Variants in DNAH14 observed in about 807,000 individuals in gnomAD.
DNAH14 encodes dynein axonemal heavy chain 14.
Under a neutral mutation model 520.9 loss-of-function variants are expected in DNAH14, and 478 were observed. The observed-to-expected ratio is 0.92, with a 90% confidence interval of 0.85 to 0.99. DNAH14 has a LOEUF of 0.99. Ranked by LOEUF, DNAH14 falls within the 50% of genes least tolerant of loss-of-function variation. The pLI is 0.00. For missense variants in DNAH14, 4,831 were observed against 5,234.5 expected (o/e 0.92, Z 2.38); for synonymous variants, 1,581 against 1,757.2 (o/e 0.90, Z 2.51).
intron 49 of DNAH14, among the ~76,000 whole-genome samples, chr1:225,270,273 G>A (rs1403594647): frequency 4.9e-5 from 7 of 143,248 alleles, no homozygotes; most frequent in Non-Finnish European, 1.1e-4. Flanking sequence ...ACTGAACAAT[G>A]AGAACACTTG....
intron 45 of DNAH14, 82 bp from the exon 46 acceptor site, chr1:225,259,039 G>C (rs2092837817): frequency 7.5e-7 from 1 of 1,339,620 alleles, no homozygotes; most frequent in Non-Finnish European, 9.9e-7. Context: ...AATTGAGGGA[G>C]AATGTTATTG....
At position 225,346,655 on chromosome 1, in the gene DNAH14, G is replaced by A. The variant is rs1352266096; in HGVS notation, c.11296+1G>A. The A allele has an allele frequency of 6.5e-7, 1 of 1,532,070 alleles. No homozygotes were observed. Among genetic ancestry groups the A allele is most frequent in the Non-Finnish European group, 8.8e-7 (1 of 1,137,056 alleles). 94.9% of individuals were successfully genotyped at this position (1,532,070 alleles called of 1,614,324 possible). On this transcript the variant is annotated splice_donor_variant, in intron 71 of 85. Transcript: ENST00000682510. LOFTEE classifies it high-confidence loss of function. ...GCATTATCCCAGTCTAGACTTACTA[G>A]TAAGTAAAAGTTACTATTCCGGATT...
chr1:225,380,207 G>A lies in DNAH14; in HGVS notation c.12765G>A (p.Leu4255=), dbSNP rs1170939099. The A allele has an allele frequency of 6.4e-7, 1 of 1,551,494 alleles. No homozygotes were observed. Among genetic ancestry groups the A allele is most frequent in the East Asian group, 2.4e-5 (1 of 40,916 alleles). The change falls in exon 80 of 86, where the codon TTG becomes TTA. Residue 4255 remains leucine (L), a synonymous_variant. Coordinates refer to ENST00000682510, the MANE Select transcript of DNAH14 (RefSeq NM_001367479.1). ...TGGTGATGGAAATTCTATCCGACTT[G>A]CTAAAGCGGCTGCCACTGACAGTGG... is the stretch of plus-strand genomic sequence containing the variant. ...DELVMEILSD[L]LKRLPLTVEK...
Position 225,374,895 on chromosome 1 carries a change from G to T in DNAH14, c.12516+10G>T. 2.6e-6 allele frequency: 4 copies of T among 1,526,550 alleles called. No individual in the cohort carries two copies. The South Asian group carries it at 4.9e-5, about 19-fold the overall frequency. 94.6% of individuals were successfully genotyped at this position (1,526,550 alleles called of 1,614,324 possible). Reference sequence around the variant, plus strand: ...TTTCTCCAGTGATGGGGTAGGAAAAGAATCAATCTTCTTGCATTTCTCGAT... The same window carrying T: ...TTTCTCCAGTGATGGGGTAGGAAAATAATCAATCTTCTTGCATTTCTCGAT... On this transcript the variant is annotated intron_variant, in intron 78 of 85. Transcript: ENST00000682510.
chr1:225,105,192 G>A (rs949881656), intron 23 of DNAH14, among the ~76,000 whole-genome samples: 9 of 152,234 alleles, frequency 5.9e-5, no homozygotes, highest in Middle Eastern at 3.4e-3. Flanking sequence ...GTGGTTGAGC[G>A]GTTTTGAGTG....
chr1:225,221,178 G>A (rs1301525100), intron 41 of DNAH14, among the ~76,000 whole-genome samples: 2 of 152,022 alleles, frequency 1.3e-5, no homozygotes, highest in East Asian at 1.9e-4. Context: ...AAACTTAAAC[G>A]TCAGACCTAA....
intron 15 of DNAH14, 29 bp from the exon 16 acceptor site, chr1:225,050,181 A>G: frequency 6.6e-7 from 1 of 1,504,912 alleles, no homozygotes; most frequent in Non-Finnish European, 8.8e-7. Context: ...GCATTTCTGA[A>G]GTACTGACTT....
chr1:225,046,877 G>T (rs1002825817), intron 15 of DNAH14, among the ~76,000 whole-genome samples: 1 of 152,062 alleles, frequency 6.6e-6, no homozygotes, highest in African/African-American at 2.4e-5. Context: ...CTCCCCAGTT[G>T]GCTCCTGTGC....
intron 41 of DNAH14, among the ~76,000 whole-genome samples, chr1:225,226,263 G>A (rs887777973): frequency 6.6e-6 from 1 of 152,136 alleles, no homozygotes. Context: ...CTCATTAATG[G>A]CACACATTGG....
chr1:225,265,640 A>G (rs2093085841), intron 48 of DNAH14, among the ~76,000 whole-genome samples: 2 of 152,120 alleles, frequency 1.3e-5, no homozygotes, highest in African/African-American at 4.8e-5. Context: ...GTTAGATGCC[A>G]ACTGTTTTGT....
chr1:225,025,943 A>G (rs565086639), intron 11 of DNAH14, among the ~76,000 whole-genome samples: 1 of 152,108 alleles, frequency 6.6e-6, no homozygotes, highest in South Asian at 2.1e-4. Flanking sequence ...CCATTTATAT[A>G]TGTTCTTTGA....
At position 225,364,642 on chromosome 1, in the gene DNAH14, G is replaced by A. The variant is rs549810138; in HGVS notation, c.11988-150G>A. ...TGATGGGTCGTGTGCAAATTCTTGC[G>A]CAACATGGAAGCTCTTCTGATAATA... On this transcript the variant is annotated intron_variant, in intron 75 of 85. Coordinates refer to ENST00000682510, the MANE Select transcript of DNAH14 (RefSeq NM_001367479.1). 4.8e-4 allele frequency: 244 copies of A among 504,668 alleles called. No individual in the cohort carries two copies. The South Asian group carries it at 6.3e-3, about 13-fold the overall frequency. 31.3% of individuals were successfully genotyped at this position (504,668 alleles called of 1,614,324 possible).
chr1:225,323,053 G>A (rs1334129661), intron 62 of DNAH14, among the ~76,000 whole-genome samples: 2 of 152,156 alleles, frequency 1.3e-5, no homozygotes, highest in Admixed American at 6.5e-5. Context: ...GAGAAATACT[G>A]TATATCTAAC....
At chr1:225,319,476 C>T (rs1482919612) in intron 61 of DNAH14, among the ~76,000 whole-genome samples, 3 of 151,888 alleles carry the variant, frequency 2.0e-5, no homozygotes, top group African/African-American at 4.8e-5. Context: ...GCAAACCTAC[C>T]GTGATATTTA....
chr1:225,194,713 A>T (rs963318234), intron 38 of DNAH14, among the ~76,000 whole-genome samples: 7 of 152,148 alleles, frequency 4.6e-5, no homozygotes, highest in Non-Finnish European at 7.4e-5. Flanking sequence ...AAAGGCTATC[A>T]ACAGAATAAG....
chr1:225,357,708 G>A (rs2095446089), intron 73 of DNAH14: 1 of 682,762 alleles, frequency 1.5e-6, no homozygotes, highest in South Asian at 1.6e-5. Flanking sequence ...GCCAATATTT[G>A]ACAGTTTTTG....
At chr1:225,335,998 C>CAT (rs1181059167) in intron 66 of DNAH14, among the ~76,000 whole-genome samples, 11 of 84,296 alleles carry the variant, frequency 1.3e-4, no homozygotes, top group African/African-American at 5.4e-4. Context: ...CACACATATG[C>CAT]ATATATGTAT....
intron 80 of DNAH14, among the ~76,000 whole-genome samples, chr1:225,381,141 T>A (rs1174409321): frequency 6.6e-6 from 1 of 152,232 alleles, no homozygotes; most frequent in Non-Finnish European, 1.5e-5. Flanking sequence ...TGTCTATGCA[T>A]CCACACATAG....
intron 43 of DNAH14, among the ~76,000 whole-genome samples, chr1:225,248,084 T>C (rs894619906): frequency 3.3e-5 from 5 of 152,186 alleles, no homozygotes; most frequent in Non-Finnish European, 5.9e-5. Context: ...GATAATGTAG[T>C]AATATCTTCA....
Sources: allele counts gnomAD v4.1 joint callset (sites outside exome capture counted in the v4.1 genomes callset), GRCh38; gene constraint gnomAD v4.1.1; transcripts MANE v1.5; gene names NCBI Gene and HGNC (gene_info 2026-07-23, HGNC 2026-07-21).